Variants in CACNA2D3 observed in about 807,000 individuals in gnomAD.
CACNA2D3 encodes the protein voltage-dependent calcium channel subunit alpha-2/delta-3.
CACNA2D3 carries 60 observed loss-of-function variants against 160.6 expected under a neutral mutation model. That is an observed-to-expected ratio of 0.37 (90% CI 0.30 to 0.46). The LOEUF is 0.46. CACNA2D3 is among the 20% of genes least tolerant of loss of function. The pLI is 1.00. For synonymous variants in CACNA2D3, 558 were observed against 492.9 expected, an observed-to-expected ratio of 1.13 and a Z score of -1.75; for missense variants, 1,205 against 1,365.0, an observed-to-expected ratio of 0.88 and a Z score of 1.85.
chr3:54,254,981 A>G (rs1471337883), intron 2 of CACNA2D3, among the ~76,000 whole-genome samples: 2 of 152,208 alleles, frequency 1.3e-5, no homozygotes, highest in African/African-American at 4.8e-5. Flanking sequence ...ACCTCAGTTG[A>G]TTATTGTCTA....
chr3:54,985,871 C>T (rs1202252271), intron 30 of CACNA2D3, among the ~76,000 whole-genome samples: 2 of 152,122 alleles, frequency 1.3e-5, no homozygotes, highest in Non-Finnish European at 2.9e-5. Flanking sequence ...CCCTTGGTTG[C>T]GCTATTGAGA....
At chr3:54,552,053 C>A (rs577247106) in intron 5 of CACNA2D3, among the ~76,000 whole-genome samples, 2 of 152,330 alleles carry the variant, frequency 1.3e-5, no homozygotes, top group East Asian at 3.9e-4. Context: ...CCTAAGTTCA[C>A]TCTACAGTAT....
chr3:54,652,862 A>G (rs1699801210), intron 11 of CACNA2D3, among the ~76,000 whole-genome samples: 1 of 144,518 alleles, frequency 6.9e-6, no homozygotes, highest in African/African-American at 2.6e-5. Flanking sequence ...GGCTCACTGT[A>G]ACCTCCGCCT....
At chr3:54,368,459 A>G (rs1288346258) in intron 3 of CACNA2D3, among the ~76,000 whole-genome samples, 1 of 152,148 alleles carries the variant, frequency 6.6e-6, no homozygotes, top group Non-Finnish European at 1.5e-5. Context: ...AAGAAAGAGA[A>G]GGGGAGAGGG....
At position 54,493,060 on chromosome 3, in the gene CACNA2D3, C is replaced by CTT. The variant is rs34225864; in HGVS notation, c.382-10399_382-10398dup. ...TGTATGTGGGAGGTATTGCTCAAAA[C>CTT]TTTTTTTTTTTTTTTTTTTTTTTTT... On this transcript the variant is annotated intron_variant, in intron 4 of 37. Coordinates refer to ENST00000474759, the MANE Select transcript of CACNA2D3 (RefSeq NM_018398.3). 2.2e-3 allele frequency among the ~76,000 whole-genome samples: 127 copies of CTT among 58,796 alleles called. 20 individuals are homozygous for CTT. Among genetic ancestry groups the CTT allele is most frequent in the African/African-American group, 9.4e-3 (122 of 13,018 alleles). 38.6% of individuals were successfully genotyped at this position (58,796 alleles called of 152,430 possible).
intron 4 of CACNA2D3, among the ~76,000 whole-genome samples, chr3:54,463,180 C>T (rs924887786): frequency 1.3e-5 from 2 of 151,938 alleles, no homozygotes; most frequent in Non-Finnish European, 2.9e-5. Context: ...TGTGGGTAAC[C>T]CGACCTTTCT....
rs746409894 is a variant in CACNA2D3 at position 54,690,262 on chromosome 3, A to G, written c.1167+48021A>G. On this transcript the variant is annotated intron_variant, in intron 11 of 37. Transcript: ENST00000474759. ...GTTCTGTCCATTGACTCTGGTTCTAAAACTCCAAATGCTTCTCAATTTGCT... is the reference window on the plus strand; with the variant it reads ...GTTCTGTCCATTGACTCTGGTTCTAGAACTCCAAATGCTTCTCAATTTGCT... Among the ~76,000 whole-genome samples, 8 of 152,066 alleles carry G rather than the reference A, an allele frequency of 5.3e-5. No homozygotes were observed. In the East Asian group the frequency reaches 1.3e-3, roughly 26 times the overall value.
intron 5 of CACNA2D3, 30 bp downstream of exon 5, chr3:54,503,684 A>C: frequency 6.2e-7 from 1 of 1,603,166 alleles, no homozygotes; most frequent in Non-Finnish European, 8.5e-7. Flanking sequence ...CTCCTTTTAG[A>C]AGGTGAAGAA....
At chr3:54,775,147 A>G (rs976677482) in intron 13 of CACNA2D3, among the ~76,000 whole-genome samples, 4 of 152,338 alleles carry the variant, frequency 2.6e-5, no homozygotes, top group African/African-American at 7.2e-5. Flanking sequence ...AGACAGACCT[A>G]TGACTTAATG....
At chr3:54,684,937 T>C (rs1390923053) in intron 11 of CACNA2D3, among the ~76,000 whole-genome samples, 1 of 152,052 alleles carries the variant, frequency 6.6e-6, no homozygotes, top group Non-Finnish European at 1.5e-5. Context: ...ATCCCACTGC[T>C]TGGAGTGCAG....
chr3:54,229,526 G>T lies in CACNA2D3; in HGVS notation c.205-90916G>T, dbSNP rs989459572. ...TATTTTTTATTTTTAGTAGAGACAG[G>T]GTCTTGCCATGTTGCCTAGGCTGGC... On this transcript the variant is annotated intron_variant, in intron 2 of 37. Transcript: ENST00000474759. Among the ~76,000 whole-genome samples, 6 of 152,090 alleles carry T rather than the reference G, an allele frequency of 3.9e-5. 1 individual carries two copies. The South Asian group carries it at 1.2e-3, about 32-fold the overall frequency.
At chr3:54,393,835 C>T (rs1262290195) in intron 4 of CACNA2D3, among the ~76,000 whole-genome samples, 2 of 152,190 alleles carry the variant, frequency 1.3e-5, no homozygotes, top group Non-Finnish European at 2.9e-5. Flanking sequence ...ACTGTAGTAC[C>T]CTGCTTCCCT....
chr3:54,906,430 T>C (rs1337256351), intron 27 of CACNA2D3, among the ~76,000 whole-genome samples: 1 of 152,158 alleles, frequency 6.6e-6, no homozygotes, highest in Non-Finnish European at 1.5e-5. Flanking sequence ...GCCTCCCTGA[T>C]GAGGTGACAT....
intron 27 of CACNA2D3, among the ~76,000 whole-genome samples, chr3:54,943,918 A>G (rs1186482920): frequency 1.3e-5 from 2 of 152,116 alleles, no homozygotes; most frequent in Admixed American, 6.5e-5. Flanking sequence ...AACATTTTCC[A>G]GTAGTTTACT....
intron 11 of CACNA2D3, among the ~76,000 whole-genome samples, chr3:54,671,623 C>T (rs750046304): frequency 7.2e-5 from 11 of 152,064 alleles, no homozygotes; most frequent in African/African-American, 2.7e-4. Flanking sequence ...AGGTGAGGTT[C>T]GTGGTCTCTG....
intron 2 of CACNA2D3, among the ~76,000 whole-genome samples, chr3:54,193,238 A>G (rs1292220399): frequency 6.6e-6 from 1 of 152,128 alleles, no homozygotes; most frequent in African/African-American, 2.4e-5. Context: ...TATTCCTTAG[A>G]GTCCATGGCT....
chr3:54,439,309 G>C (rs924447106), intron 4 of CACNA2D3, among the ~76,000 whole-genome samples: 1 of 57,130 alleles, frequency 1.8e-5, no homozygotes, highest in Non-Finnish European at 3.3e-5. Context: ...ATAAAGGAGG[G>C]TGTGTGTGTG....
intron 4 of CACNA2D3, among the ~76,000 whole-genome samples, chr3:54,453,717 T>G (rs1221127876): frequency 2.0e-5 from 3 of 152,308 alleles, no homozygotes; most frequent in Admixed American, 2.0e-4. Context: ...TACTGTTAGG[T>G]AAGTTGTGTC....
At chr3:55,043,326 C>G (rs1214625972) in intron 35 of CACNA2D3, among the ~76,000 whole-genome samples, 1 of 139,556 alleles carries the variant, frequency 7.2e-6, no homozygotes, top group Non-Finnish European at 1.5e-5. Flanking sequence ...CCCTCCCTCT[C>G]TTTCTTTCTT....
Sources: gnomAD v4.1 joint callset for allele counts (sites outside exome capture counted in the v4.1 genomes callset) on GRCh38, gnomAD v4.1.1 for gene constraint, MANE v1.5 for transcripts, NCBI Gene and HGNC (gene_info 2026-07-23, HGNC 2026-07-21) for gene names.